The following SLC6A12 variants were observed in gnomAD, a reference collection of about 807,000 sequenced individuals.
SLC6A12 encodes the protein solute carrier family 6 member 12.
Under a neutral mutation model 73.3 loss-of-function variants are expected in SLC6A12, and 50 were observed. The ratio of observed to expected loss-of-function variants is 0.68; its 90% CI spans 0.54 to 0.86. The LOEUF (loss-of-function observed/expected upper bound fraction) is 0.86, where lower values mean the gene tolerates loss of function less well. SLC6A12 is among the 40% of genes least tolerant of loss of function. The pLI is 0.00. For synonymous variants in SLC6A12, 304 were observed against 309.2 expected (o/e 0.98, Z 0.18); for missense variants, 648 against 772.8 (o/e 0.84, Z 1.92).
downstream of SLC6A12, among the ~76,000 whole-genome samples, chr12:186,760 A>G (rs1939437079): frequency 6.6e-6 from 1 of 152,224 alleles, no homozygotes; most frequent in Admixed American, 6.5e-5. Flanking sequence ...TAGCTCTGAA[A>G]TTAGAGGTAT....
At chr12:202,663 C>T (rs1344498250) in intron 5 of SLC6A12, 77 bp downstream of exon 5, 6 of 1,467,494 alleles carry the variant, frequency 4.1e-6, no homozygotes, top group East Asian at 4.6e-5. Flanking sequence ...TTATACTCCC[C>T]GTCGTTGCTT....
the SLC6A12 span, among the ~76,000 whole-genome samples, chr12:184,750 AAAAAT>A: frequency 7.5e-6 from 1 of 133,564 alleles, no homozygotes; most frequent in African/African-American, 2.6e-5. Context: ...ACTCCGTCTC[AAAAAT>A]AAATAAATAA....
At chr12:187,492 C>G (rs548057586), downstream of SLC6A12, among the ~76,000 whole-genome samples, 4 of 150,488 alleles carry the variant, frequency 2.7e-5, no homozygotes, top group South Asian at 8.5e-4. Flanking sequence ...TCGCTGGTTT[C>G]AGAAGTAAAC....
chr12:206,178 C>G (rs1258024824), intron 3 of SLC6A12, among the ~76,000 whole-genome samples: 1 of 152,180 alleles, frequency 6.6e-6, no homozygotes, highest in Non-Finnish European at 1.5e-5. Flanking sequence ...CCATTCATCT[C>G]CAGAGCTTTT....
At chr12:188,659 TACGC>T (rs1236080437), downstream of SLC6A12, among the ~76,000 whole-genome samples, 2 of 146,774 alleles carry the variant, frequency 1.4e-5, no homozygotes, top group Admixed American at 6.7e-5. Context: ...AGCTGCTCCT[TACGC>T]ACGCACGTCG....
Position 193,498 on chromosome 12 carries a change from G to A in SLC6A12, c.1430-121C>T, listed in dbSNP as rs142742144. On this transcript the variant is annotated intron_variant, in intron 13 of 15. Transcript: ENST00000684302. Reference sequence around the variant, plus strand: ...CACCCCCGCCCTGTGCAGGGAAACTGGAACAGGGCACGTGAGTGAGACGCC... The same window carrying A: ...CACCCCCGCCCTGTGCAGGGAAACTAGAACAGGGCACGTGAGTGAGACGCC... The A allele has an allele frequency of 2.2e-4, 151 of 677,308 alleles. No homozygotes were observed. The African/African-American group carries it at 2.5e-3, about 11-fold the overall frequency. 42.0% of individuals were successfully genotyped at this position (677,308 alleles called of 1,614,324 possible).
intron 4 of SLC6A12, chr12:203,161 G>T (rs1417979584): frequency 4.6e-6 from 1 of 218,016 alleles, no homozygotes; most frequent in Non-Finnish European, 8.6e-6. Flanking sequence ...CCACTTCCCG[G>T]GTTCAAGCGA....
Position 198,091 on chromosome 12 carries a change from C to T in SLC6A12, c.847-88G>A. The T allele has an allele frequency of 1.0e-6, 1 of 1,002,626 alleles. No homozygotes were observed. The highest frequency in any genetic ancestry group is 1.6e-6 in the Non-Finnish European group (1 of 644,282). The allele number at this position is 1,002,626 out of a possible 1,614,324, so 62.1% of individuals were successfully genotyped here. A position where few individuals can be genotyped will look rare whatever the true frequency, so the allele number is the denominator to read the frequency against. ...AGATCCAGACCCGTCCCCTGCAGCA[C>T]CAGCCTGGCCCCTCAGTGCTCCCTG... On this transcript the variant is annotated intron_variant, in intron 8 of 15. Coordinates refer to ENST00000684302, the MANE Select transcript of SLC6A12 (RefSeq NM_001122848.3). The surrounding 1 kb of genome is among the most constrained non-coding windows in gnomAD (Gnocchi z 4.0).
intron 13 of SLC6A12, chr12:194,085 A>G (rs1332731608): frequency 6.6e-6 from 1 of 152,226 alleles, no homozygotes; most frequent in Non-Finnish European, 1.5e-5. Flanking sequence ...CCGATCCCTG[A>G]TGCATGAAAT....
chr12:200,408 G>C (rs1165735291), intron 7 of SLC6A12, among the ~76,000 whole-genome samples: 1 of 152,150 alleles, frequency 6.6e-6, no homozygotes, highest in South Asian at 2.1e-4. Context: ...GCACCCGGCA[G>C]CCCTGAATAT....
At chr12:206,428 C>T (rs148887560) in intron 3 of SLC6A12, among the ~76,000 whole-genome samples, 70 of 152,328 alleles carry the variant, frequency 4.6e-4, no homozygotes, top group African/African-American at 1.5e-3. Context: ...TTGAAGGCTA[C>T]GTACTATTCC....
At chr12:193,143 A>C in intron 14 of SLC6A12, 134 bp downstream of exon 14, 2 of 686,544 alleles carry the variant, frequency 2.9e-6, no homozygotes, top group Non-Finnish European at 5.3e-6. Flanking sequence ...GGCAACATAG[A>C]ACAGGAAATG....
intron 7 of SLC6A12, among the ~76,000 whole-genome samples, chr12:200,235 CAT>C (rs1940157054): frequency 6.7e-6 from 1 of 148,268 alleles, no homozygotes; most frequent in Admixed American, 6.7e-5. Flanking sequence ...CAGCCTCCTG[CAT>C]AGCTGGGACT....
chr12:187,714 T>G (rs1156892158), downstream of SLC6A12, among the ~76,000 whole-genome samples: 1 of 148,640 alleles, frequency 6.7e-6, no homozygotes, highest in African/African-American at 2.5e-5. Context: ...GCTTTTATTC[T>G]CTTACCTGGC....
chr12:187,579 T>A (rs555105719), downstream of SLC6A12, among the ~76,000 whole-genome samples: 1 of 92,920 alleles, frequency 1.1e-5, no homozygotes. Context: ...CAAGATTTAC[T>A]GCAAAAGAGC....
chr12:208,077 G>A (rs1940737234), intron 3 of SLC6A12, among the ~76,000 whole-genome samples: 1 of 152,220 alleles, frequency 6.6e-6, no homozygotes, highest in African/African-American at 2.4e-5. Flanking sequence ...ATGGCTGGGT[G>A]AGGAGTGTGC....
At chr12:199,127 T>G in intron 7 of SLC6A12, 196 bp from the exon 8 acceptor site, 1 of 314,896 alleles carries the variant, frequency 3.2e-6, no homozygotes, top group Non-Finnish European at 6.3e-6. Flanking sequence ...GGGTGTGAGA[T>G]ACACATCAGC....
intron 13 of SLC6A12, 97 bp from the exon 14 acceptor site, chr12:193,474 AC>A (rs1380060250): frequency 1.3e-5 from 11 of 851,574 alleles, no homozygotes; most frequent in Non-Finnish European, 2.1e-5. Context: ...CCCTTCCCTC[AC>A]CCCCGCCCTG....
chr12:200,717 C>A lies in SLC6A12; in HGVS notation c.645G>T (p.Leu215=), dbSNP rs1565472675. 6.2e-7 allele frequency: 1 copy of A among 1,614,142 alleles called. No individual in the cohort carries two copies. The highest frequency in any genetic ancestry group is 8.5e-7 in the Non-Finnish European group (1 of 1,180,014). ...AGATGACCCAGGCGAGCAGGAGGCACAGGGCCAGCTCCCAGCGCAGGGAGC... is the reference window on the plus strand; with the variant it reads ...AGATGACCCAGGCGAGCAGGAGGCAAAGGGCCAGCTCCCAGCGCAGGGAGC... ...DLGSLRWELA[L]CLLLAWVICY... Residue 215 remains leucine, a synonymous_variant, in exon 7 of 16, where the codon CTG becomes CTT. Coordinates refer to ENST00000684302, the MANE Select transcript of SLC6A12 (RefSeq NM_001122848.3).
Sources: allele counts gnomAD v4.1 joint callset (sites outside exome capture counted in the v4.1 genomes callset), GRCh38; gene constraint gnomAD v4.1.1; non-coding constraint Gnocchi (gnomAD v3.1); transcripts MANE v1.5; gene names NCBI Gene and HGNC (gene_info 2026-07-23, HGNC 2026-07-21).